Variants in XPO4 observed in about 807,000 individuals in gnomAD.
XPO4 encodes the protein exportin-4.
In XPO4, 39 loss-of-function variants were observed where a neutral mutation model predicts 143.0. The observed-to-expected ratio is 0.27, with a 90% CI of 0.21 to 0.36. The LOEUF (loss-of-function observed/expected upper bound fraction) is 0.36. XPO4 is among the 10% of genes least tolerant of loss of function. XPO4 has a pLI of 1.00. For synonymous variants in XPO4, 439 were observed against 474.0 expected, an observed-to-expected ratio of 0.93 and a Z score of 0.96; for missense variants, 907 against 1,348.0, an observed-to-expected ratio of 0.67 and a Z score of 5.12.
chr13:20,790,627 T>C, intron 18 of XPO4, 47 bp from the exon 19 acceptor site: 8 of 1,454,640 alleles, frequency 5.5e-6, no homozygotes, highest in Non-Finnish European at 7.7e-6. Context: ...CATCAATAAA[T>C]CTTCCAAGTG....
At chr13:20,828,644 C>T (rs2059816472) in intron 6 of XPO4, among the ~76,000 whole-genome samples, 2 of 152,088 alleles carry the variant, frequency 1.3e-5, no homozygotes, top group East Asian at 1.9e-4. Context: ...CAACTCTATT[C>T]GACTGATTAA....
At chr13:20,901,958 C>G (rs2060624123) in intron 1 of XPO4, among the ~76,000 whole-genome samples, 1 of 152,232 alleles carries the variant, frequency 6.6e-6, no homozygotes, top group South Asian at 2.1e-4. Context: ...TTGACTCGGC[C>G]TTCTCAAATT....
intron 1 of XPO4, among the ~76,000 whole-genome samples, chr13:20,874,732 G>T (rs537475554): frequency 3.9e-5 from 6 of 152,132 alleles, no homozygotes; most frequent in Non-Finnish European, 8.8e-5. Flanking sequence ...GGTGGCTCAC[G>T]CCTGTAATCC....
At chr13:20,809,587 G>A (rs2059551714) in intron 10 of XPO4, among the ~76,000 whole-genome samples, 1 of 152,198 alleles carries the variant, frequency 6.6e-6, no homozygotes, top group African/African-American at 2.4e-5. Context: ...TAGACAGAAA[G>A]AGGTGGGTAA....
chr13:20,874,018 C>A (rs1253602983), intron 1 of XPO4, among the ~76,000 whole-genome samples: 1 of 152,138 alleles, frequency 6.6e-6, no homozygotes, highest in African/African-American at 2.4e-5. Flanking sequence ...TTGTTGCATG[C>A]CCAAGATGAC....
chr13:20,817,798 A>C (rs1400456239), intron 9 of XPO4, among the ~76,000 whole-genome samples: 1 of 152,284 alleles, frequency 6.6e-6, no homozygotes, highest in African/African-American at 2.4e-5. Flanking sequence ...TATTGATAGA[A>C]TTTTAATCTT....
intron 1 of XPO4, among the ~76,000 whole-genome samples, chr13:20,898,821 T>TC (rs1332791190): frequency 6.6e-6 from 1 of 152,084 alleles, no homozygotes; most frequent in Non-Finnish European, 1.5e-5. Context: ...TCAAAACACC[T>TC]CCTACATTTT....
intron 3 of XPO4, among the ~76,000 whole-genome samples, chr13:20,858,920 GTGTATATATATATA>G (rs1245115427): frequency 1.8e-4 from 3 of 16,354 alleles, no homozygotes; most frequent in East Asian, 2.5e-3. Flanking sequence ...ATATGTGTGT[GTGTATATATATATA>G]TATATATATA....
chr13:20,880,813 C>T (rs950379039), intron 1 of XPO4, among the ~76,000 whole-genome samples: 9 of 152,038 alleles, frequency 5.9e-5, no homozygotes, highest in African/African-American at 2.2e-4. Context: ...CAAAAGTTAG[C>T]CAGGCCTGGT....
At chr13:20,819,575 G>T (rs1396432968) in intron 9 of XPO4, among the ~76,000 whole-genome samples, 2 of 151,994 alleles carry the variant, frequency 1.3e-5, no homozygotes, top group Admixed American at 6.6e-5. Context: ...CAGAAGAATC[G>T]CTTGAACCTG....
chr13:20,809,773 A>G lies in XPO4; in HGVS notation c.1350+18T>C. On this transcript the variant is annotated intron_variant, in intron 10 of 22. Coordinates refer to ENST00000255305, the MANE Select transcript of XPO4 (RefSeq NM_022459.5). ...ATGATGAAATAGACTGTTAATTACC[A>G]TCTTGCTTAAAACTCACCAAATTTC... 2.5e-6 allele frequency: 4 copies of G among 1,587,650 alleles called. No individual in the cohort carries two copies. The highest frequency in any genetic ancestry group is 1.8e-5 in the Admixed American group (1 of 55,412).
intron 3 of XPO4, among the ~76,000 whole-genome samples, chr13:20,861,459 C>T (rs1453415480): frequency 2.0e-5 from 3 of 151,814 alleles, no homozygotes; most frequent in Non-Finnish European, 2.9e-5. Flanking sequence ...CCACGCCCGA[C>T]TAATTTTTGT....
chr13:20,817,506 A>G lies in XPO4; in HGVS notation c.1173+4198T>C, dbSNP rs183541457. Among the ~76,000 whole-genome samples the G allele has an allele frequency of 2.0e-5, 3 of 152,332 alleles. No homozygotes were observed. The East Asian group carries it at 5.8e-4, about 29-fold the overall frequency. The stretch of plus-strand genomic sequence containing the variant: ...AAACTAGATGTAAGGTTCTTCCTTT[A>G]TAAATTGTTATTTACCACGATTGCC... On this transcript the variant is annotated intron_variant, in intron 9 of 22. Coordinates refer to ENST00000255305, the MANE Select transcript of XPO4 (RefSeq NM_022459.5).
At chr13:20,821,284 CA>C (rs1014841060) in intron 9 of XPO4, among the ~76,000 whole-genome samples, 18 of 143,618 alleles carry the variant, frequency 1.3e-4, no homozygotes, top group African/African-American at 4.4e-4. Context: ...ACATAATTGC[CA>C]AATAAGTCCA....
At chr13:20,868,492 C>T (rs193240594) in intron 2 of XPO4, 104 bp downstream of exon 2, 11 of 1,427,888 alleles carry the variant, frequency 7.7e-6, no homozygotes, top group East Asian at 5.2e-5. Context: ...TGTAACTACA[C>T]AAACCAGGTT....
chr13:20,828,740 T>C (rs2059817562), intron 6 of XPO4, among the ~76,000 whole-genome samples: 1 of 151,772 alleles, frequency 6.6e-6, no homozygotes, highest in South Asian at 2.1e-4. Flanking sequence ...GGGAAAGAGG[T>C]GAAGGCCAAA....
At chr13:20,791,086 G>C (rs929906553) in intron 18 of XPO4, among the ~76,000 whole-genome samples, 1 of 151,196 alleles carries the variant, frequency 6.6e-6, no homozygotes, top group African/African-American at 2.4e-5. Context: ...TATGACAAAG[G>C]GTTATCATTC....
intron 1 of XPO4, among the ~76,000 whole-genome samples, chr13:20,891,267 C>T (rs569908864): frequency 1.3e-5 from 2 of 151,810 alleles, no homozygotes; most frequent in Admixed American, 6.6e-5. Context: ...GTGGCTACCA[C>T]ATTGGAGAGA....
At chr13:20,842,655 C>A (rs1056376535) in intron 6 of XPO4, among the ~76,000 whole-genome samples, 1 of 152,166 alleles carries the variant, frequency 6.6e-6, no homozygotes, top group Admixed American at 6.5e-5. Flanking sequence ...CCGTCATCCA[C>A]CACGTTTCTA....
Sources: allele counts gnomAD v4.1 joint callset (sites outside exome capture counted in the v4.1 genomes callset), GRCh38; gene constraint gnomAD v4.1.1; transcripts MANE v1.5; gene names NCBI Gene and HGNC (gene_info 2026-07-23, HGNC 2026-07-21).